MTHFD2L: variants seen among roughly 807,000 people sequenced by gnomAD.
The protein encoded by MTHFD2L is bifunctional methylenetetrahydrofolate dehydrogenase/cyclohydrolase 2, mitochondrial.
A neutral mutation model predicts 34.9 loss-of-function variants in MTHFD2L; 29 were observed. That is an observed-to-expected ratio of 0.83 (90% CI 0.62 to 1.13). The LOEUF is 1.13. Ranked by LOEUF, MTHFD2L falls within the 50% of genes most tolerant of loss-of-function variation. The pLI is 0.00. For missense variants in MTHFD2L, 481 were observed against 446.5 expected, an observed-to-expected ratio of 1.08 and a Z score of -0.70; for synonymous variants, 167 against 155.7, an observed-to-expected ratio of 1.07 and a Z score of -0.54.
In MTHFD2L at chr4:74,199,552, G is replaced by A. The variant is rs1450114765; in HGVS notation, c.452-242G>A. Among the ~76,000 whole-genome samples, 23 of 151,596 alleles carry A rather than the reference G, an allele frequency of 1.5e-4. 1 individual carries two copies. Among genetic ancestry groups the A allele is most frequent in the Non-Finnish European group, 3.4e-4 (23 of 67,956 alleles). On this transcript the variant is annotated intron_variant, in intron 3 of 7. Transcript: ENST00000325278. ...AATTCACAATTTTTTTTCTTTCACC[G>A]GTCCAGCCACTTTTGGCTCTGGAAT...
At chr4:74,155,637 A>T (rs1724188951), upstream of MTHFD2L, among the ~76,000 whole-genome samples, 1 of 152,128 alleles carries the variant, frequency 6.6e-6, no homozygotes, top group African/African-American at 2.4e-5. Context: ...AAAAGAAACA[A>T]ATCTGTTAAC....
intron 3 of MTHFD2L, among the ~76,000 whole-genome samples, chr4:74,186,682 G>A (rs1397773567): frequency 6.6e-6 from 1 of 151,908 alleles, no homozygotes; most frequent in Non-Finnish European, 1.5e-5. Flanking sequence ...CAAACTAAAG[G>A]AGGCCTAAAT....
intron 6 of MTHFD2L, among the ~76,000 whole-genome samples, chr4:74,258,220 C>T (rs1436511261): frequency 6.6e-6 from 1 of 152,054 alleles, no homozygotes; most frequent in Non-Finnish European, 1.5e-5. Flanking sequence ...TAGTAATCAC[C>T]CTTCTAAGTA....
rs6834875 is a variant in MTHFD2L at position 74,262,188 on chromosome 4, G to A, written c.806-19237G>A. The stretch of plus-strand genomic sequence containing the variant: ...ATTAAAACATTTGACTTCCCATTTA[G>A]GAAAAAAATCTAGTTAAACTCCTAC... On this transcript the variant is annotated intron_variant, in intron 6 of 7. Coordinates refer to ENST00000325278, the MANE Select transcript of MTHFD2L (RefSeq NM_001144978.3). 5.6e-3 allele frequency among the ~76,000 whole-genome samples: 843 copies of A among 151,512 alleles called. 8 individuals carry two copies. Among genetic ancestry groups the A allele is most frequent in the African/African-American group, 0.019 (791 of 41,412 alleles).
intron 5 of MTHFD2L, among the ~76,000 whole-genome samples, chr4:74,211,836 G>A (rs1736379178): frequency 6.6e-6 from 1 of 151,946 alleles, no homozygotes; most frequent in East Asian, 1.9e-4. Flanking sequence ...GGGTTGGTAG[G>A]CTATTAATCA....
At chr4:74,123,869 T>C (rs1721889415), upstream of MTHFD2L, among the ~76,000 whole-genome samples, 1 of 152,190 alleles carries the variant, frequency 6.6e-6, no homozygotes. Flanking sequence ...CTGGCCCTAA[T>C]GCATAAGTTA....
chr4:74,264,280 A>G (rs541998674), intron 6 of MTHFD2L, among the ~76,000 whole-genome samples: 1 of 152,218 alleles, frequency 6.6e-6, no homozygotes, highest in East Asian at 1.9e-4. Flanking sequence ...GTTTTCATAT[A>G]TGATTATCTA....
At chr4:74,283,424 G>T (rs928313689) in intron 7 of MTHFD2L, among the ~76,000 whole-genome samples, 1 of 152,074 alleles carries the variant, frequency 6.6e-6, no homozygotes, top group Non-Finnish European at 1.5e-5. Context: ...AAATCAAATT[G>T]TAGTTCTGTG....
chr4:74,154,611 G>A (rs533646523), upstream of MTHFD2L, among the ~76,000 whole-genome samples: 31 of 152,160 alleles, frequency 2.0e-4, no homozygotes, highest in Middle Eastern at 6.8e-3. Flanking sequence ...TCCTGTCCCT[G>A]ACATATCCCC....
intron 3 of MTHFD2L, chr4:74,183,260 A>G (rs545815957): frequency 6.6e-6 from 1 of 152,304 alleles, no homozygotes; most frequent in Non-Finnish European, 1.5e-5. Context: ...AAATTTCTAT[A>G]CCTAGTGAAA....
chr4:74,128,105 T>C (rs1161243845), intron 1 of MTHFD2L, among the ~76,000 whole-genome samples: 1 of 152,130 alleles, frequency 6.6e-6, no homozygotes, highest in Admixed American at 6.6e-5. Context: ...TATTTTGTTT[T>C]GCGCTATTGA....
intron 6 of MTHFD2L, among the ~76,000 whole-genome samples, chr4:74,240,843 A>G (rs1741599818): frequency 1.3e-5 from 2 of 152,326 alleles, no homozygotes; most frequent in South Asian, 2.1e-4. Context: ...ATAGAGGAGC[A>G]TGGAAACAAT....
chr4:74,126,793 A>G (rs945806109), intron 1 of MTHFD2L, among the ~76,000 whole-genome samples: 2 of 152,180 alleles, frequency 1.3e-5, no homozygotes, highest in East Asian at 3.8e-4. Context: ...TCATTAATAC[A>G]TAATAGATGT....
chr4:74,133,763 A>C (rs1316633660), intron 1 of MTHFD2L, among the ~76,000 whole-genome samples: 1 of 152,064 alleles, frequency 6.6e-6, no homozygotes, highest in East Asian at 1.9e-4. Flanking sequence ...TAAAATTGCT[A>C]TTTTGAATTC....
intron 1 of MTHFD2L, among the ~76,000 whole-genome samples, chr4:74,133,027 T>C (rs189753141): frequency 6.6e-6 from 1 of 152,208 alleles, no homozygotes; most frequent in African/African-American, 2.4e-5. Context: ...ATGTTAGCAT[T>C]TTTTAATTTC....
At chr4:74,180,167 G>A (rs546314625) in intron 3 of MTHFD2L, among the ~76,000 whole-genome samples, 1 of 152,202 alleles carries the variant, frequency 6.6e-6, no homozygotes, top group South Asian at 2.1e-4. Context: ...CAACTGATAG[G>A]GTTAGGAATA....
intron 1 of MTHFD2L, among the ~76,000 whole-genome samples, chr4:74,135,005 T>G (rs189777756): frequency 2.6e-5 from 4 of 152,232 alleles, no homozygotes; most frequent in Admixed American, 2.6e-4. Flanking sequence ...AAATTATTGA[T>G]GTTCAAGAGA....
rs539312292 is a variant in MTHFD2L at position 74,209,425 on chromosome 4, A to T, written c.712+8055A>T. Reference sequence around the variant, plus strand: ...TGTTCTCGTTGTTCAACTCCCACTTATGAATGGGAACATGTGGTGTTTGGT... The same window carrying T: ...TGTTCTCGTTGTTCAACTCCCACTTTTGAATGGGAACATGTGGTGTTTGGT... On this transcript the variant is annotated intron_variant, in intron 5 of 7. Transcript: ENST00000325278. Among the ~76,000 whole-genome samples, 11 of 152,164 alleles carry T rather than the reference A, an allele frequency of 7.2e-5. No individual in the cohort carries two copies. In the East Asian group the frequency reaches 2.1e-3, roughly 29 times the overall value.
intron 1 of MTHFD2L, among the ~76,000 whole-genome samples, chr4:74,152,319 T>C (rs1209978624): frequency 1.3e-5 from 2 of 152,144 alleles, no homozygotes; most frequent in Admixed American, 1.3e-4. Context: ...TAGTTGTATT[T>C]GATTAGTAGC....
Sources: allele counts gnomAD v4.1 joint callset (sites outside exome capture counted in the v4.1 genomes callset), GRCh38; gene constraint gnomAD v4.1.1; transcripts MANE v1.5; gene names NCBI Gene and HGNC (gene_info 2026-07-23, HGNC 2026-07-21).